The following SLC28A1 variants were observed in gnomAD, a reference collection of about 807,000 sequenced individuals.
SLC28A1 encodes the protein sodium/nucleoside cotransporter 1.
In SLC28A1, 64 loss-of-function variants were observed where a neutral mutation model predicts 74.8. The observed-to-expected ratio is 0.86, with a 90% CI of 0.70 to 1.05. SLC28A1 has a LOEUF of 1.05. Ranked by LOEUF, SLC28A1 falls within the 50% of genes least tolerant of loss-of-function variation. The pLI, the probability that SLC28A1 is intolerant of heterozygous loss-of-function variation, is 0.00. For missense variants in SLC28A1, 828 were observed against 822.8 expected, an observed-to-expected ratio of 1.01 and a Z score of -0.08; for synonymous variants, 359 against 335.0, an observed-to-expected ratio of 1.07 and a Z score of -0.78.
intron 9 of SLC28A1, among the ~76,000 whole-genome samples, chr15:84,909,885 T>C (rs1316850535): frequency 2.6e-5 from 4 of 152,234 alleles, no homozygotes; most frequent in Admixed American, 6.5e-5. Context: ...TGTTTTTCAT[T>C]ATGCTGGCCA....
Position 84,888,802 on chromosome 15 carries a change from A to G in SLC28A1, c.127A>G (p.Ser43Gly). 6.4e-7 allele frequency: 1 copy of G among 1,554,584 alleles called. No individual in the cohort carries two copies. Among genetic ancestry groups the G allele is most frequent in the Non-Finnish European group, 8.7e-7 (1 of 1,148,726 alleles). The change falls in exon 4 of 19, where the codon AGC (serine) becomes GGC (glycine). Residue 43 changes from serine (S) to glycine (G), a missense_variant. Transcript: ENST00000394573. The part of the protein sequence containing the change: ...EEGQLPRSDL[S>G]PAEIRSSWSE... ...AGGCCAGCTCCCTAGGAGTGACTTG[A>G]GCCCCGCAGAGATCAGGAGCAGCTG...
In SLC28A1 at chr15:84,894,883, A is replaced by AG. The variant is rs976674291; in HGVS notation, c.278-54dup. ...AGGTGGAGTCCGCGGGCGGGGCTGC[A>AG]GGGTTCTGAAGAGGTGGTGTCCTGG... On this transcript the variant is annotated intron_variant, in intron 5 of 18. Coordinates refer to ENST00000394573, the MANE Select transcript of SLC28A1 (RefSeq NM_004213.5). 48 of 1,558,138 alleles carry AG rather than the reference A, an allele frequency of 3.1e-5. No individual in the cohort carries two copies. In the African/African-American group the frequency reaches 5.1e-4, roughly 17 times the overall value.
At position 84,945,140 on chromosome 15, in the gene SLC28A1, C is replaced by T. The variant is rs765439299; in HGVS notation, c.1890C>T (p.Phe630=). ...TTCTTTTTAGCGTCAATCCAGAGTT[C>T]AGCCCAGAGGCCCTGGACAACTGCT... The part of the protein sequence containing the change: ...REAFQSVNPE[F]SPEALDNCCR... Residue 630 remains phenylalanine, a synonymous_variant, in exon 19 of 19, where the codon TTC becomes TTT. Coordinates refer to ENST00000394573, the MANE Select transcript of SLC28A1 (RefSeq NM_004213.5). 5 of 1,613,918 alleles carry T rather than the reference C, an allele frequency of 3.1e-6. No homozygotes were observed. The African/African-American group carries it at 5.3e-5, about 17-fold the overall frequency.
Position 84,908,729 on chromosome 15 carries a change from C to G in SLC28A1, c.729C>G (p.Ser243Arg). Residue 243 changes from serine (S) to arginine (R), a missense_variant, in exon 9 of 19, where the codon AGC becomes AGG. Physicochemically the swap from Ser to Arg is moderately radical, Grantham distance 110 (BLOSUM62 -1). Coordinates refer to ENST00000394573, the MANE Select transcript of SLC28A1 (RefSeq NM_004213.5). Reference sequence around the variant, plus strand: ...CTTTTTTCTTTCAGATCTTCCTGAGCTACACGAAGGCTGGCTCCAGCTTCG... The same window carrying G: ...CTTTTTTCTTTCAGATCTTCCTGAGGTACACGAAGGCTGGCTCCAGCTTCG... ...WLGEQIRIFL[S>R]YTKAGSSFVF... 5.0e-6 allele frequency: 8 copies of G among 1,613,750 alleles called. No homozygotes were observed. Among genetic ancestry groups the G allele is most frequent in the Non-Finnish European group, 6.8e-6 (8 of 1,179,858 alleles).
At chr15:84,921,859 C>G (rs570903507) in intron 11 of SLC28A1, among the ~76,000 whole-genome samples, 15 of 152,076 alleles carry the variant, frequency 9.9e-5, no homozygotes, top group Non-Finnish European at 2.1e-4. Flanking sequence ...CAAAATGAGG[C>G]AAAAGAGGAA....
intron 6 of SLC28A1, among the ~76,000 whole-genome samples, chr15:84,902,418 T>C (rs1966774417): frequency 6.6e-6 from 1 of 151,558 alleles, no homozygotes; most frequent in South Asian, 2.1e-4. Flanking sequence ...AGGTGGAGGT[T>C]GCAGTGAGCC....
chr15:84,899,958 AGG>A (rs1966452213), intron 6 of SLC28A1, among the ~76,000 whole-genome samples: 3 of 137,988 alleles, frequency 2.2e-5, no homozygotes, highest in Non-Finnish European at 3.2e-5. Flanking sequence ...GAAGGAAGGA[AGG>A]AAGGAAAGAA....
intron 8 of SLC28A1, among the ~76,000 whole-genome samples, chr15:84,906,753 T>C (rs2141807018): frequency 6.6e-6 from 1 of 151,962 alleles, no homozygotes; most frequent in East Asian, 1.9e-4. Context: ...GCCCAGCCAA[T>C]TCTGTTTTTT....
In SLC28A1 at chr15:84,945,746, T is replaced by G. The variant is rs149513351; in HGVS notation, c.*546T>G. 353 of 162,968 alleles carry G rather than the reference T, an allele frequency of 2.2e-3. 1 individual carries two copies. Among genetic ancestry groups the G allele is most frequent in the African/African-American group, 7.9e-3 (332 of 41,800 alleles). 10.1% of individuals were successfully genotyped at this position (162,968 alleles called of 1,614,324 possible). A position where few individuals can be genotyped will look rare whatever the true frequency, so the allele number is the denominator to read the frequency against. On this transcript the variant is annotated 3_prime_UTR_variant, in exon 19 of 19. Transcript: ENST00000394573. ...GGGAGGCGTTCAGAGGGTTCCATGA[T>G]GGACTAGGTTTGGAACCACTGGGTT...
At chr15:84,931,807 G>A (rs968544837) in intron 12 of SLC28A1, among the ~76,000 whole-genome samples, 1 of 151,754 alleles carries the variant, frequency 6.6e-6, no homozygotes, top group Non-Finnish European at 1.5e-5. Context: ...TTCGAGACTA[G>A]CCTGGCCAAC....
the SLC28A1 span, among the ~76,000 whole-genome samples, chr15:84,960,130 C>T: frequency 6.7e-6 from 1 of 149,144 alleles, no homozygotes; most frequent in Non-Finnish European, 1.5e-5. Context: ...TACAGTGGCA[C>T]AAAGAGGGAG....
chr15:84,926,082 T>C (rs1403158677), intron 12 of SLC28A1, among the ~76,000 whole-genome samples: 1 of 148,102 alleles, frequency 6.8e-6, no homozygotes. Context: ...AATATTTTAT[T>C]ATTTTATCAT....
chr15:84,928,517 A>G (rs544588126), intron 12 of SLC28A1, among the ~76,000 whole-genome samples: 1 of 67,476 alleles, frequency 1.5e-5, no homozygotes, highest in Admixed American at 1.4e-4. Context: ...TCAAGCTCCC[A>G]GGTTCGTTCG....
chr15:84,967,335 C>G, the SLC28A1 span, among the ~76,000 whole-genome samples: 1 of 152,172 alleles, frequency 6.6e-6, no homozygotes, highest in Non-Finnish European at 1.5e-5. Context: ...TTCTACCCCC[C>G]ACCTCACCAA....
the SLC28A1 span, among the ~76,000 whole-genome samples, chr15:84,966,737 A>T: frequency 6.6e-6 from 1 of 152,164 alleles, no homozygotes; most frequent in East Asian, 1.9e-4. Flanking sequence ...AAACCATCAG[A>T]TCGTGTGAGT....
chr15:84,969,950 C>G, the SLC28A1 span, among the ~76,000 whole-genome samples: 1 of 152,168 alleles, frequency 6.6e-6, no homozygotes, highest in Non-Finnish European at 1.5e-5. Flanking sequence ...GACTAATGGC[C>G]TAATATGTAA....
chr15:84,926,189 A>G (rs1386137272), intron 12 of SLC28A1, among the ~76,000 whole-genome samples: 1 of 151,528 alleles, frequency 6.6e-6, no homozygotes, highest in African/African-American at 2.4e-5. Flanking sequence ...AACTCCCCAC[A>G]TGACACCAAC....
At chr15:84,911,312 A>G (rs896361) in intron 9 of SLC28A1, among the ~76,000 whole-genome samples, 126,075 of 152,120 alleles carry the variant, frequency 0.83, 52,328 homozygotes, top group South Asian at 0.91. Flanking sequence ...TTCCTTGACC[A>G]TTGGTACCAG....
At chr15:84,907,572 C>T (rs1426704543) in intron 8 of SLC28A1, among the ~76,000 whole-genome samples, 1 of 152,122 alleles carries the variant, frequency 6.6e-6, no homozygotes, top group Non-Finnish European at 1.5e-5. Context: ...GTGGCGTGAT[C>T]TTAGCTCATT....
Sources: allele counts gnomAD v4.1 joint callset (sites outside exome capture counted in the v4.1 genomes callset), GRCh38; gene constraint gnomAD v4.1.1; transcripts MANE v1.5; gene names NCBI Gene and HGNC (gene_info 2026-07-23, HGNC 2026-07-21).